MBOAT1: variants seen among roughly 807,000 people sequenced by gnomAD.
MBOAT1 encodes membrane bound glycerophospholipid O-acyltransferase 1, also known as membrane-bound glycerophospholipid O-acyltransferase 1.
MBOAT1 carries 67 observed loss-of-function variants against 64.4 expected under a neutral mutation model. The ratio of observed to expected loss-of-function variants is 1.04; its 90% CI spans 0.85 to 1.27. The LOEUF (loss-of-function observed/expected upper bound fraction) is 1.27, where lower values mean the gene tolerates loss of function less well. Ranked by LOEUF, MBOAT1 falls within the 50% of genes most tolerant of loss-of-function variation. The pLI is 0.00. For missense variants in MBOAT1, 563 were observed against 604.6 expected (o/e 0.93, Z 0.72); for synonymous variants, 229 against 218.9 (o/e 1.05, Z -0.41).
intron 12 of MBOAT1, 94 bp from the exon 13 acceptor site, chr6:20,102,506 G>A (rs1381460735): frequency 3.7e-6 from 4 of 1,094,292 alleles, no homozygotes; most frequent in Non-Finnish European, 1.3e-6. Context: ...ACAAGTGAGA[G>A]CACCGCTTTT....
intron 10 of MBOAT1, 140 bp from the exon 11 acceptor site, chr6:20,113,148 T>G: frequency 9.8e-7 from 1 of 1,017,732 alleles, no homozygotes; most frequent in South Asian, 1.8e-5. Context: ...TTCGGGGACT[T>G]GCAGTGCAAT....
At chr6:20,197,039 T>C (rs1581463774) in intron 1 of MBOAT1, among the ~76,000 whole-genome samples, 1 of 152,168 alleles carries the variant, frequency 6.6e-6, no homozygotes, top group East Asian at 1.9e-4. Flanking sequence ...TTTTGACAAA[T>C]ATACCATAGT....
At chr6:20,147,053 G>A (rs1028112078) in intron 3 of MBOAT1, among the ~76,000 whole-genome samples, 1 of 152,168 alleles carries the variant, frequency 6.6e-6, no homozygotes, top group Non-Finnish European at 1.5e-5. Flanking sequence ...AAGATCTGAT[G>A]GTTTTGTAAA....
At chr6:20,127,458 G>A (rs1025720686) in intron 6 of MBOAT1, among the ~76,000 whole-genome samples, 3 of 152,184 alleles carry the variant, frequency 2.0e-5, no homozygotes, top group African/African-American at 7.2e-5. Context: ...AGCAGCAGGT[G>A]AGCGGCATGT....
intron 4 of MBOAT1, among the ~76,000 whole-genome samples, chr6:20,134,818 C>T (rs376117502): frequency 2.5e-4 from 37 of 150,320 alleles, no homozygotes; most frequent in African/African-American, 8.8e-4. Flanking sequence ...TAAGATAAAA[C>T]TTAAGTATCA....
intron 8 of MBOAT1, among the ~76,000 whole-genome samples, chr6:20,119,539 G>A (rs371426761): frequency 2.0e-5 from 3 of 152,272 alleles, no homozygotes; most frequent in East Asian, 3.9e-4. Flanking sequence ...GGCCTTTGAA[G>A]AGCTGCTCTA....
chr6:20,205,033 T>TA (rs1012588169), intron 1 of MBOAT1, among the ~76,000 whole-genome samples: 2 of 151,930 alleles, frequency 1.3e-5, no homozygotes, highest in Non-Finnish European at 2.9e-5. Flanking sequence ...CACATCTCTA[T>TA]AAAAAATACA....
intron 1 of MBOAT1, among the ~76,000 whole-genome samples, chr6:20,184,170 CTCA>C (rs1762583359): frequency 6.6e-6 from 1 of 152,150 alleles, no homozygotes. Flanking sequence ...TGGACAGGAA[CTCA>C]AAGCAAGAGG....
At chr6:20,136,826 T>G (rs1317775648) in intron 4 of MBOAT1, among the ~76,000 whole-genome samples, 1 of 152,234 alleles carries the variant, frequency 6.6e-6, no homozygotes, top group East Asian at 1.9e-4. Flanking sequence ...GAATGAGTAT[T>G]AAAATCACCA....
In MBOAT1 at chr6:20,123,329, C is replaced by G. The variant is rs986921917; in HGVS notation, c.907+1079G>C. On this transcript the variant is annotated intron_variant, in intron 8 of 12. Coordinates refer to ENST00000324607, the MANE Select transcript of MBOAT1 (RefSeq NM_001080480.3). ...TTATTTAATAAGCCAAGTCACTGCT[C>G]TCTGACATCAAGCGCAGGTCGCTTG... Among the ~76,000 whole-genome samples the G allele has an allele frequency of 2.0e-5, 3 of 152,184 alleles. No homozygotes were observed. In the East Asian group the frequency reaches 5.8e-4, roughly 29 times the overall value.
chr6:20,156,486 G>C (rs1350611624), intron 1 of MBOAT1, among the ~76,000 whole-genome samples: 1 of 152,146 alleles, frequency 6.6e-6, no homozygotes, highest in African/African-American at 2.4e-5. Context: ...TAAAGCAAAA[G>C]TAGAAACACA....
intron 1 of MBOAT1, among the ~76,000 whole-genome samples, chr6:20,167,195 T>A (rs1354030608): frequency 6.6e-6 from 1 of 152,196 alleles, no homozygotes; most frequent in Non-Finnish European, 1.5e-5. Flanking sequence ...ACTTCCAAGT[T>A]ATTTTCAGTT....
chr6:20,210,466 G>A (rs73729932), intron 1 of MBOAT1, among the ~76,000 whole-genome samples: 20 of 152,086 alleles, frequency 1.3e-4, no homozygotes, highest in Admixed American at 7.2e-4. Flanking sequence ...TTCCACCAAG[G>A]GTCATCCACA....
chr6:20,151,094 G>A, intron 3 of MBOAT1, 91 bp downstream of exon 3: 1 of 904,816 alleles, frequency 1.1e-6, no homozygotes, highest in Admixed American at 2.0e-5. Context: ...TGTGGAAAAT[G>A]GGTAAGGTCC....
chr6:20,108,388 C>G (rs1042219190), intron 12 of MBOAT1, among the ~76,000 whole-genome samples: 8 of 152,146 alleles, frequency 5.3e-5, no homozygotes, highest in Non-Finnish European at 1.2e-4. Flanking sequence ...TAAACCAGTA[C>G]AGCTTCCATG....
intron 1 of MBOAT1, among the ~76,000 whole-genome samples, chr6:20,199,733 G>C (rs970118878): frequency 3.9e-5 from 6 of 152,212 alleles, no homozygotes; most frequent in African/African-American, 1.4e-4. Context: ...ACTTTGGGAG[G>C]CTGAAATAGG....
chr6:20,211,969 AACAC>A (rs57852903), intron 1 of MBOAT1, 163 bp downstream of exon 1: 14,085 of 456,510 alleles, frequency 0.031, 132 homozygotes, highest in African/African-American at 0.034. Flanking sequence ...AAGAAGGGAA[AACAC>A]ACACACACAC....
chr6:20,101,032 A>C lies in MBOAT1; in HGVS notation c.*1254T>G, dbSNP rs1759771435. 6.6e-6 allele frequency among the ~76,000 whole-genome samples: 1 copy of C among 152,196 alleles called. No individual in the cohort carries two copies. On this transcript the variant is annotated 3_prime_UTR_variant, in exon 13 of 13. Transcript: ENST00000324607. ...CTCAGCTATGAAACTGAAAAAATGA[A>C]AATCAGCCCATGTGTACATCACGGC... is the stretch of plus-strand genomic sequence containing the variant.
At chr6:20,131,090 A>G in intron 5 of MBOAT1, 54 bp downstream of exon 5, 1 of 1,446,192 alleles carries the variant, frequency 6.9e-7, no homozygotes, top group Non-Finnish European at 9.7e-7. Context: ...TAAAAAGAAG[A>G]GCTCTGCATG....
Sources: allele counts gnomAD v4.1 joint callset (sites outside exome capture counted in the v4.1 genomes callset), GRCh38; gene constraint gnomAD v4.1.1; transcripts MANE v1.5; gene names NCBI Gene and HGNC (gene_info 2026-07-23, HGNC 2026-07-21).